Variants in DNAH3 observed in about 807,000 individuals in gnomAD.
The protein encoded by DNAH3 is dynein axonemal heavy chain 3.
DNAH3 carries 332 observed loss-of-function variants against 432.5 expected under a neutral mutation model. That is an observed-to-expected ratio of 0.77 (90% CI 0.70 to 0.84). The LOEUF (loss-of-function observed/expected upper bound fraction) is 0.84, where lower values mean the gene tolerates loss of function less well. Ranked by LOEUF, DNAH3 falls within the 40% of genes least tolerant of loss-of-function variation. DNAH3 has a pLI of 0.00. For missense variants in DNAH3, 4,861 were observed against 5,114.0 expected (o/e 0.95, Z 1.51); for synonymous variants, 1,956 against 1,900.2 (o/e 1.03, Z -0.76).
At chr16:20,985,803 G>T in intron 47 of DNAH3, 88 bp from the exon 48 acceptor site, 2 of 1,347,134 alleles carry the variant, frequency 1.5e-6, no homozygotes, top group Non-Finnish European at 2.1e-6. Flanking sequence ...CATGGGAGAC[G>T]TGGCTTATTT....
chr16:21,145,342 G>A, exon 3 of DNAH3: 1 of 1,614,164 alleles, frequency 6.2e-7, no homozygotes, highest in Non-Finnish European at 8.5e-7. Context: ...TTCTTTGAAG[G>A]GTGCAGCCAA....
chr16:21,156,643 G>A (rs8050941), intron 1 of DNAH3, among the ~76,000 whole-genome samples: 72,441 of 151,854 alleles, frequency 0.48, 17,821 homozygotes, highest in East Asian at 0.69. Flanking sequence ...TAGAGGAACA[G>A]ACATTCAGTC....
intron 53 of DNAH3, among the ~76,000 whole-genome samples, chr16:20,962,190 T>TA (rs923173596): frequency 1.1e-4 from 17 of 151,188 alleles, no homozygotes; most frequent in Non-Finnish European, 1.3e-4. Context: ...AAATAATAAT[T>TA]AAAAAAAATA....
intron 14 of DNAH3, among the ~76,000 whole-genome samples, chr16:21,110,038 G>A (rs2092035344): frequency 6.6e-6 from 1 of 152,114 alleles, no homozygotes; most frequent in African/African-American, 2.4e-5. Context: ...GACTATAGAC[G>A]TCAGCCATGG....
At chr16:20,994,760 AATGGTTTATTTCACTTAATGAT>A (rs987116435) in intron 44 of DNAH3, among the ~76,000 whole-genome samples, 2 of 152,172 alleles carry the variant, frequency 1.3e-5, no homozygotes, top group East Asian at 1.9e-4. Context: ...CCTTTTTGTG[AATGGTTTATTTCACTTAATGAT>A]ATGGTTTATT....
chr16:20,933,172 C>T (rs772034292), exon 62 of DNAH3: 1 of 1,613,254 alleles, frequency 6.2e-7, no homozygotes, highest in Admixed American at 1.7e-5. Flanking sequence ...CCAGCTGGCA[C>T]AGTGAGGCCA....
exon 57 of DNAH3, chr16:20,948,531 G>T (rs1302187901): frequency 1.2e-6 from 2 of 1,614,020 alleles, no homozygotes. Context: ...CAGGAGCGAG[G>T]GAGTAATAGT....
At position 20,973,679 on chromosome 16, in the gene DNAH3, G is replaced by A. The variant is rs546980682; in HGVS notation, c.8259+1554C>T. 1.9e-4 allele frequency among the ~76,000 whole-genome samples: 29 copies of A among 152,322 alleles called. No homozygotes were observed. In the South Asian group the frequency reaches 3.3e-3, roughly 17 times the overall value. ...GAAGAAGTAGATTTTCTTCTACTAC[G>A]TGAACGTAGGTCAAGCCCTTACCAG... On this transcript the variant is annotated intron_variant, in intron 51 of 61. Transcript: ENST00000261383.
In DNAH3 at chr16:21,129,567, C is replaced by CAAA. The variant is rs555280776; in HGVS notation, c.1083-1758_1083-1756dup. On this transcript the variant is annotated intron_variant, in intron 7 of 61. Coordinates refer to ENST00000261383, the Ensembl canonical transcript of DNAH3. ...CCAACATGGTGAAACCCTATCTCTACAAAAAAAAAAAAAAAAAAAATTAGC... is the reference window on the plus strand; with the variant it reads ...CCAACATGGTGAAACCCTATCTCTACAAAAAAAAAAAAAAAAAAAAAAATTAGC... Among the ~76,000 whole-genome samples, 144 of 77,992 alleles carry CAAA rather than the reference C, an allele frequency of 1.8e-3. 1 individual carries two copies. The highest frequency in any genetic ancestry group is 3.4e-3 in the African/African-American group (76 of 22,194). 51.2% of individuals were successfully genotyped at this position (77,992 alleles called of 152,430 possible).
intron 6 of DNAH3, among the ~76,000 whole-genome samples, 171 bp downstream of exon 7, chr16:21,136,153 C>A (rs368489364): frequency 5.9e-5 from 9 of 151,600 alleles, no homozygotes; most frequent in Admixed American, 3.9e-4. Context: ...GTGCCTCATG[C>A]CTGTAATCCT....
intron 5 of DNAH3, among the ~76,000 whole-genome samples, chr16:21,139,904 C>T (rs2092697108): frequency 1.3e-5 from 2 of 151,514 alleles, no homozygotes; most frequent in East Asian, 1.9e-4. Flanking sequence ...CTCAGCCTCC[C>T]GAGTAGCTGA....
At chr16:21,080,451 T>C (rs1221439001) in intron 20 of DNAH3, among the ~76,000 whole-genome samples, 1 of 152,238 alleles carries the variant, frequency 6.6e-6, no homozygotes, top group Non-Finnish European at 1.5e-5. Flanking sequence ...AATTGTTAGG[T>C]ATTTTGCATT....
chr16:20,941,581 A>T (rs2083811633), intron 58 of DNAH3, 38 bp from the exon 59 acceptor site: 1 of 1,611,314 alleles, frequency 6.2e-7, no homozygotes, highest in Non-Finnish European at 8.5e-7. Flanking sequence ...GTGAGAAGCA[A>T]GCCCTACAGG....
At chr16:21,054,379 C>G (rs1395283723) in intron 28 of DNAH3, 41 bp downstream of exon 28, 4 of 1,460,826 alleles carry the variant, frequency 2.7e-6, no homozygotes, top group Admixed American at 1.7e-5. Context: ...GACTGCTTCT[C>G]CTGGATAGTC....
At chr16:21,026,940 A>T in intron 38 of DNAH3, 87 bp downstream of exon 38, 1 of 912,330 alleles carries the variant, frequency 1.1e-6, no homozygotes, top group Non-Finnish European at 1.8e-6. Flanking sequence ...GGGCTTCATC[A>T]CATTTGTGAA....
At position 21,159,365 on chromosome 16, in the gene DNAH3, GC is replaced by G. The variant is rs776154678; in HGVS notation, c.76del (p.Ala26ProfsTer24). 1 of 1,614,064 alleles carries G rather than the reference GC, an allele frequency of 6.2e-7. No homozygotes were observed. The highest frequency in any genetic ancestry group is 8.5e-7 in the Non-Finnish European group (1 of 1,180,024). ...TTCCTCCTCTCCTTGGGTCTCCCTG[GC>G]TTTTGAACGCTGAAAGGCTGGGCCC... On this transcript the variant is annotated frameshift_variant, in exon 1 of 62. Coordinates refer to ENST00000261383, the Ensembl canonical transcript of DNAH3. LOFTEE classifies it high-confidence loss of function.
At chr16:20,975,200 C>T (rs2152647017) in intron 51 of DNAH3, 33 bp downstream of exon 51, 2 of 1,609,102 alleles carry the variant, frequency 1.2e-6, no homozygotes, top group Non-Finnish European at 1.7e-6. Context: ...TTCGGCAGCA[C>T]CAGTTCCCTC....
chr16:21,158,465 C>T (rs955832973), intron 1 of DNAH3: 2 of 152,448 alleles, frequency 1.3e-5, no homozygotes, highest in Non-Finnish European at 2.9e-5. Context: ...AGCTGTCAAC[C>T]TCTCAGGGCT....
intron 1 of DNAH3, among the ~76,000 whole-genome samples, chr16:21,151,321 GTT>G (rs10578754): frequency 0.15 from 18,710 of 128,366 alleles, 1,207 homozygotes; most frequent in South Asian, 0.23. Context: ...GTTTTTCCCC[GTT>G]TTTTTTTTTT....
Sources: allele counts gnomAD v4.1 joint callset (sites outside exome capture counted in the v4.1 genomes callset), GRCh38; gene constraint gnomAD v4.1.1; transcripts MANE v1.5; gene names NCBI Gene and HGNC (gene_info 2026-07-23, HGNC 2026-07-21).